Variants in YY2 observed in about 807,000 individuals in gnomAD.
YY2 encodes the protein YY2 transcription factor, also known as transcription factor YY2.
For missense variants in YY2, 254 were observed against 305.3 expected (o/e 0.83, Z 1.25); for synonymous variants, 157 against 131.2 (o/e 1.20, Z -1.35).
chrX:21,858,553 A>G lies in YY2; in HGVS notation c.*950A>G, dbSNP rs1015493352. The G allele has an allele frequency of 1.6e-5, 2 of 123,023 alleles. No individual in the cohort carries two copies. Among genetic ancestry groups the G allele is most frequent in the Admixed American group, 9.5e-5 (1 of 10,498 alleles). 10.1% of individuals were successfully genotyped at this position (123,023 alleles called of 1,213,427 possible). A position where few individuals can be genotyped will look rare whatever the true frequency, so the allele number is the denominator to read the frequency against. ...GATCAGGAATGCCACTAAACATCCT[A>G]CAATGCACAGACAGCCCCACGAAAC... On this transcript the variant is annotated 3_prime_UTR_variant, in exon 1 of 1. Coordinates refer to ENST00000429584, the MANE Select transcript of YY2 (RefSeq NM_206923.4).
rs1305451932 is a variant in YY2 at position 21,856,332 on chromosome X, C to T, written c.-153C>T. 2 of 494,746 alleles carry T rather than the reference C, an allele frequency of 4.0e-6. No individual in the cohort carries two copies. Among genetic ancestry groups the T allele is most frequent in the South Asian group, 3.1e-5 (1 of 32,165 alleles). 40.8% of individuals were successfully genotyped at this position (494,746 alleles called of 1,213,427 possible). On this transcript the variant is annotated 5_prime_UTR_variant, in exon 1 of 1. Transcript: ENST00000429584. ...TCTCTGCAGCTCGCGCCTTTCTCTG[C>T]AGCTCGCGCCTTTCTCTGCAGCTCG...
chrX:21,856,906 C>T lies in YY2; in HGVS notation c.422C>T (p.Pro141Leu). The T allele has an allele frequency of 8.3e-7, 1 of 1,211,610 alleles. No individual in the cohort carries two copies. The highest frequency in any genetic ancestry group is 1.1e-6 in the Non-Finnish European group (1 of 895,447). Residue 141 changes from proline (P) to leucine (L), a missense_variant, in exon 1 of 1, where the codon CCC becomes CTC. Coordinates refer to ENST00000429584, the MANE Select transcript of YY2 (RefSeq NM_206923.4). ...TCAACCCAGAGCCGCAGCAAAAAGC[C>T]CAGCAAAAAGCCCAGCGGCAAGAGT... ...STSTQSRSKK[P>L]SKKPSGKSAT... is the part of the protein sequence containing the mutation.
rs773507953 is a variant in YY2, at chrX:21,857,523, G to A, written c.1039G>A (p.Val347Ile). The change falls in exon 1 of 1, where the codon GTT becomes ATT. Residue 347 changes from valine to isoleucine, a missense_variant. Transcript: ENST00000429584. The stretch of plus-strand genomic sequence containing the variant: ...TAAGCCCTTCGTGTGCCCCTTCGAT[G>A]TTTGCAACAGGAAGTTCGCTCAGTC... The part of the protein sequence containing the change: ...GDKPFVCPFD[V>I]CNRKFAQSTN... 2.1e-5 allele frequency: 25 copies of A among 1,210,466 alleles called. No individual in the cohort carries two copies. Among genetic ancestry groups the A allele is most frequent in the Non-Finnish European group, 2.6e-5 (23 of 895,434 alleles).
rs752711871 is a variant in YY2 at position 21,857,588 on chromosome X, C to T, written c.1104C>T (p.Thr368=). The change falls in exon 1 of 1, where the codon ACC becomes ACT. Residue 368 remains threonine, a synonymous_variant. Coordinates refer to ENST00000429584, the MANE Select transcript of YY2 (RefSeq NM_206923.4). Reference sequence around the variant, plus strand: ...CCCACATATTAACGCATGTGAAGACCAAAAACAACCCGTGAAAAGGAGAAG... The same window carrying T: ...CCCACATATTAACGCATGTGAAGACTAAAAACAACCCGTGAAAAGGAGAAG... ...LKTHILTHVK[T]KNNP 9 of 1,201,245 alleles carry T rather than the reference C, an allele frequency of 7.5e-6. No homozygotes were observed. In the Admixed American group the frequency reaches 8.9e-5, roughly 12 times the overall value.
In YY2 at chrX:21,856,331, G is replaced by T. The variant is rs1277162389; in HGVS notation, c.-154G>T. On this transcript the variant is annotated 5_prime_UTR_variant, in exon 1 of 1. Coordinates refer to ENST00000429584, the MANE Select transcript of YY2 (RefSeq NM_206923.4). ...TTCTCTGCAGCTCGCGCCTTTCTCT[G>T]CAGCTCGCGCCTTTCTCTGCAGCTC... The T allele has an allele frequency of 2.0e-6, 1 of 491,767 alleles. No homozygotes were observed. The highest frequency in any genetic ancestry group is 3.4e-6 in the Non-Finnish European group (1 of 291,540). The allele number at this position is 491,767 out of a possible 1,213,427, so 40.5% of individuals were successfully genotyped here. A position where few individuals can be genotyped will look rare whatever the true frequency, so the allele number is the denominator to read the frequency against.
chrX:21,856,524 G>C lies in YY2; in HGVS notation c.40G>C (p.Glu14Gln), dbSNP rs2092922761. 8.3e-7 allele frequency: 1 copy of C among 1,211,173 alleles called. No individual in the cohort carries two copies. The change falls in exon 1 of 1, where the codon GAG becomes CAG. Residue 14 changes from glutamate (E) to glutamine (Q), a missense_variant. By Grantham distance (29) the Glu-to-Gln change is conservative. Coordinates refer to ENST00000429584, the MANE Select transcript of YY2 (RefSeq NM_206923.4). The part of the protein sequence containing the change: ...NEDFSITQDL[E>Q]IPADIVELHD... ...AGATTTCTCCATCACACAAGACCTGGAGATCCCGGCAGATATTGTGGAGCT... is the reference window on the plus strand; with the variant it reads ...AGATTTCTCCATCACACAAGACCTGCAGATCCCGGCAGATATTGTGGAGCT...
rs1176807461 is a variant in YY2, at chrX:21,857,704, A to T, written c.*101A>T. ...TTTGTATGTTGTTTCTAAGAGTTTT[A>T]AAAAAAAATGAATCCTGCACATTTA... On this transcript the variant is annotated 3_prime_UTR_variant, in exon 1 of 1. Coordinates refer to ENST00000429584, the MANE Select transcript of YY2 (RefSeq NM_206923.4). 19 of 348,845 alleles carry T rather than the reference A, an allele frequency of 5.4e-5. No homozygotes were observed. Among genetic ancestry groups the T allele is most frequent in the African/African-American group, 1.0e-4 (1 of 9,900 alleles). The allele number at this position is 348,845 out of a possible 1,213,427, so 28.7% of individuals were successfully genotyped here. A position where few individuals can be genotyped will look rare whatever the true frequency, so the allele number is the denominator to read the frequency against.
At position 21,856,802 on chromosome X, in the gene YY2, C is replaced by T; in HGVS notation, c.318C>T (p.Ala106=). 1 of 1,211,650 alleles carries T rather than the reference C, an allele frequency of 8.3e-7. No homozygotes were observed. The highest frequency in any genetic ancestry group is 1.1e-6 in the Non-Finnish European group (1 of 895,498). ...GCAACGACTTGGAGGACCAGTTGGC[C>T]CTCCCGGATAGCATTGAAGACGAGC... The part of the protein sequence containing the change: ...QLGNDLEDQL[A]LPDSIEDEHF... Residue 106 remains alanine, a synonymous_variant, in exon 1 of 1, where the codon GCC becomes GCT. Coordinates refer to ENST00000429584, the MANE Select transcript of YY2 (RefSeq NM_206923.4).
chrX:21,856,305 TTTCTCTGCAGCTCGC>T lies in YY2; in HGVS notation c.-179_-165del. Reference sequence around the variant, plus strand: ...CGCGCCTTTCTCTGCAGCTCGCGCCTTTCTCTGCAGCTCGCGCCTTTCTCTGCAGCTCGCGCCTTT... The same window carrying T: ...CGCGCCTTTCTCTGCAGCTCGCGCCTGCCTTTCTCTGCAGCTCGCGCCTTT... On this transcript the variant is annotated 5_prime_UTR_variant, in exon 1 of 1. Coordinates refer to ENST00000429584, the MANE Select transcript of YY2 (RefSeq NM_206923.4). 2.7e-6 allele frequency: 1 copy of T among 365,765 alleles called. No individual in the cohort carries two copies. Among genetic ancestry groups the T allele is most frequent in the Non-Finnish European group, 4.7e-6 (1 of 213,598 alleles). The allele number at this position is 365,765 out of a possible 1,213,427, so 30.1% of individuals were successfully genotyped here. A position where few individuals can be genotyped will look rare whatever the true frequency, so the allele number is the denominator to read the frequency against.
rs1438042822 is a variant in YY2, at chrX:21,856,175, A to G, written c.-310A>G. 1 of 291,367 alleles carries G rather than the reference A, an allele frequency of 3.4e-6. No homozygotes were observed. Among genetic ancestry groups the G allele is most frequent in the Non-Finnish European group, 6.1e-6 (1 of 165,224 alleles). 24.0% of individuals were successfully genotyped at this position (291,367 alleles called of 1,213,427 possible). On this transcript the variant is annotated 5_prime_UTR_variant, in exon 1 of 1. Transcript: ENST00000429584. ...CGCAGGGTGGCAAACGTACGCGGGC[A>G]CGTGCACGTGCTTTTGGGGCCGACA...
Position 21,856,296 on chromosome X carries a change from GC to G in YY2, c.-188del, listed in dbSNP as rs1353045292. 1.5e-5 allele frequency: 4 copies of G among 260,340 alleles called. No individual in the cohort carries two copies. The African/African-American group carries it at 2.2e-4, about 14-fold the overall frequency. 21.5% of individuals were successfully genotyped at this position (260,340 alleles called of 1,213,427 possible). ...CCTCAGTCTCGCGCCTTTCTCTGCAGCTCGCGCCTTTCTCTGCAGCTCGCGC... is the reference window on the plus strand; with the variant it reads ...CCTCAGTCTCGCGCCTTTCTCTGCAGTCGCGCCTTTCTCTGCAGCTCGCGC... On this transcript the variant is annotated 5_prime_UTR_variant, in exon 1 of 1. An upstream open reading frame in the 5' UTR gains an earlier in-frame stop. Coordinates refer to ENST00000429584, the MANE Select transcript of YY2 (RefSeq NM_206923.4).
In YY2 at chrX:21,857,894, C is replaced by T; in HGVS notation, c.*291C>T. 2 of 237,203 alleles carry T rather than the reference C, an allele frequency of 8.4e-6. No individual in the cohort carries two copies. Among genetic ancestry groups the T allele is most frequent in the East Asian group, 1.5e-4 (2 of 12,930 alleles). The allele number at this position is 237,203 out of a possible 1,213,427, so 19.5% of individuals were successfully genotyped here. ...AATTCGTAGACTTCACATCAAGAGA[C>T]GGTTCTTACAAACTGTTTAAAATGG... On this transcript the variant is annotated 3_prime_UTR_variant, in exon 1 of 1. Coordinates refer to ENST00000429584, the MANE Select transcript of YY2 (RefSeq NM_206923.4).
In YY2 at chrX:21,857,599, C is replaced by G. The variant is rs145088011; in HGVS notation, c.1115C>G (p.Pro372Arg). 1.7e-6 allele frequency: 2 copies of G among 1,197,967 alleles called. No homozygotes were observed. Among genetic ancestry groups the G allele is most frequent in the African/African-American group, 3.5e-5 (2 of 56,739 alleles). Residue 372 changes from proline to arginine, a missense_variant, in exon 1 of 1, where the codon CCG becomes CGG. By Grantham distance (103) the Pro-to-Arg change is moderately radical (BLOSUM62 -2). Transcript: ENST00000429584. ...ACGCATGTGAAGACCAAAAACAACCCGTGAAAAGGAGAAGACCCCTCTCAG... is the reference window on the plus strand; with the variant it reads ...ACGCATGTGAAGACCAAAAACAACCGGTGAAAAGGAGAAGACCCCTCTCAG... The part of the protein sequence containing the change: ...ILTHVKTKNN[P>R]
rs746893321 is a variant in YY2 at position 21,857,145 on chromosome X, C to T, written c.661C>T (p.Pro221Ser). ...GTACTTGAAAGGGAAGAAACTTCCTCCTGGGGGGTTACCAGGCATTGATCT... is the reference window on the plus strand; with the variant it reads ...GTACTTGAAAGGGAAGAAACTTCCTTCTGGGGGGTTACCAGGCATTGATCT... ...SEYLKGKKLP[P>S]GGLPGIDLSD... Residue 221 changes from proline to serine, a missense_variant, in exon 1 of 1, where the codon CCT becomes TCT. Pro to Ser is a moderately conservative substitution (Grantham distance 74, BLOSUM62 -1). Coordinates refer to ENST00000429584, the MANE Select transcript of YY2 (RefSeq NM_206923.4). 9 of 1,210,201 alleles carry T rather than the reference C, an allele frequency of 7.4e-6. No individual in the cohort carries two copies. Among genetic ancestry groups the T allele is most frequent in the African/African-American group, 5.2e-5 (3 of 57,201 alleles).
rs1229298071 is a variant in YY2, at chrX:21,856,339, CG to C, written c.-145del. The C allele has an allele frequency of 8.4e-5, 44 of 522,899 alleles. No homozygotes were observed. Among genetic ancestry groups the C allele is most frequent in the Admixed American group, 3.2e-4 (10 of 31,220 alleles). The allele number at this position is 522,899 out of a possible 1,213,427, so 43.1% of individuals were successfully genotyped here. A position where few individuals can be genotyped will look rare whatever the true frequency, so the allele number is the denominator to read the frequency against. ...AGCTCGCGCCTTTCTCTGCAGCTCG[CG>C]CCTTTCTCTGCAGCTCGCGCCTTTC... On this transcript the variant is annotated 5_prime_UTR_variant, in exon 1 of 1. It introduces an in-frame stop codon into an upstream open reading frame of the 5' UTR. Transcript: ENST00000429584.
Position 21,857,703 on chromosome X carries a change from T to TA in YY2, c.*109dup, listed in dbSNP as rs11339991. On this transcript the variant is annotated 3_prime_UTR_variant, in exon 1 of 1. Coordinates refer to ENST00000429584, the MANE Select transcript of YY2 (RefSeq NM_206923.4). ...CTTTGTATGTTGTTTCTAAGAGTTTTAAAAAAAAATGAATCCTGCACATTT... is the reference window on the plus strand; with the variant it reads ...CTTTGTATGTTGTTTCTAAGAGTTTTAAAAAAAAAATGAATCCTGCACATTT... 23,393 of 885,067 alleles carry TA rather than the reference T, an allele frequency of 0.026. 241 individuals are homozygous for TA. Among genetic ancestry groups the TA allele is most frequent in the Non-Finnish European group, 0.033 (21,117 of 642,207 alleles). The allele number at this position is 885,067 out of a possible 1,213,427, so 72.9% of individuals were successfully genotyped here.
chrX:21,857,703 T>TAA lies in YY2; in HGVS notation c.*108_*109dup. The TAA allele has an allele frequency of 1.5e-5, 13 of 888,558 alleles. No homozygotes were observed. The highest frequency in any genetic ancestry group is 2.0e-5 in the Non-Finnish European group (13 of 643,401). The allele number at this position is 888,558 out of a possible 1,213,427, so 73.2% of individuals were successfully genotyped here. On this transcript the variant is annotated 3_prime_UTR_variant, in exon 1 of 1. Coordinates refer to ENST00000429584, the MANE Select transcript of YY2 (RefSeq NM_206923.4). ...CTTTGTATGTTGTTTCTAAGAGTTTTAAAAAAAAATGAATCCTGCACATTT... is the reference window on the plus strand; with the variant it reads ...CTTTGTATGTTGTTTCTAAGAGTTTTAAAAAAAAAAATGAATCCTGCACATTT...
chrX:21,856,727 G>A lies in YY2; in HGVS notation c.243G>A (p.Leu81=), dbSNP rs947717850. ...ACCACGACCAGGAAATGCTTATGTT[G>A]CAGACACAAGAGGAAGTGGTGGGCT... is the stretch of plus-strand genomic sequence containing the variant. ...YGDHDQEMLM[L]QTQEEVVGYC... The change falls in exon 1 of 1, where the codon TTG becomes TTA. Residue 81 remains leucine, a synonymous_variant. Coordinates refer to ENST00000429584, the MANE Select transcript of YY2 (RefSeq NM_206923.4). 1 of 1,211,917 alleles carries A rather than the reference G, an allele frequency of 8.3e-7. No homozygotes were observed. The highest frequency in any genetic ancestry group is 3.0e-5 in the East Asian group (1 of 33,836).
Position 21,856,886 on chromosome X carries a change from C to A in YY2, c.402C>A (p.Thr134=), listed in dbSNP as rs777747632. The change falls in exon 1 of 1, where the codon ACC becomes ACA. Residue 134 remains threonine (T), a synonymous_variant. Coordinates refer to ENST00000429584, the MANE Select transcript of YY2 (RefSeq NM_206923.4). ...SASAASTSTS[T]QSRSKKPSKK... ...CGGCGGCATCAACATCAACATCAAC[C>A]CAGAGCCGCAGCAAAAAGCCCAGCA... is the stretch of plus-strand genomic sequence containing the variant. The A allele has an allele frequency of 4.5e-5, 54 of 1,209,946 alleles. No homozygotes were observed. In the South Asian group the frequency reaches 8.3e-4, roughly 19 times the overall value.
Sources: allele counts gnomAD v4.1 joint callset, GRCh38; gene constraint gnomAD v4.1.1; transcripts MANE v1.5; gene names NCBI Gene and HGNC (gene_info 2026-07-23, HGNC 2026-07-21).